Variants in CCDC136 observed in about 807,000 individuals in gnomAD.
CCDC136 encodes coiled-coil domain containing 136, also known as coiled-coil domain-containing protein 136.
Under a neutral mutation model 141.2 loss-of-function variants are expected in CCDC136, and 100 were observed. The observed-to-expected ratio is 0.71, with a 90% confidence interval of 0.60 to 0.84. The LOEUF (loss-of-function observed/expected upper bound fraction) is 0.84, where lower values mean the gene tolerates loss of function less well. Ranked by LOEUF, CCDC136 falls within the 40% of genes least tolerant of loss-of-function variation. CCDC136 has a pLI of 0.00. For synonymous variants in CCDC136, 474 were observed against 531.9 expected (o/e 0.89, Z 1.50); for missense variants, 1,206 against 1,379.4 (o/e 0.87, Z 1.99).
intron 3 of CCDC136, among the ~76,000 whole-genome samples, chr7:128,799,543 G>T (rs150678898): frequency 6.6e-6 from 1 of 151,280 alleles, no homozygotes; most frequent in Admixed American, 6.6e-5. Flanking sequence ...TCTCTGCCTC[G>T]ATAAAGCTTA....
At chr7:128,820,691 C>T (rs56377531) in intron 17 of CCDC136, among the ~76,000 whole-genome samples, 22,754 of 152,190 alleles carry the variant, frequency 0.15, 1,912 homozygotes, top group East Asian at 0.22. Flanking sequence ...TTTGAACTCC[C>T]GGTCTCAAGC....
intron 3 of CCDC136, among the ~76,000 whole-genome samples, chr7:128,796,739 A>ATTTTTTTTTTTTTT (rs1554377202): frequency 8.8e-6 from 1 of 113,376 alleles, no homozygotes; most frequent in Non-Finnish European, 1.7e-5. Flanking sequence ...ATATATATAT[A>ATTTTTTTTTTTTTT]TTCTTTTTTT....
Position 128,812,239 on chromosome 7 carries a change from GCT to G in CCDC136, c.2471_2472del (p.Ser824Ter), listed in dbSNP as rs748405148. 3 of 1,613,890 alleles carry G rather than the reference GCT, an allele frequency of 1.9e-6. No individual in the cohort carries two copies. Among genetic ancestry groups the G allele is most frequent in the African/African-American group, 1.3e-5 (1 of 75,044 alleles). ...AAGAAGAGTTACGGCAGCACCAGTA[GCT>G]CTGACACCTGCCAGAAGAGTTTTGT... On this transcript the variant is annotated frameshift_variant, in exon 13 of 18. Transcript: ENST00000297788. LOFTEE classifies it high-confidence loss of function.
chr7:128,809,133 G>A lies in CCDC136; in HGVS notation c.1606-317G>A, dbSNP rs1025880625. 3.1e-5 allele frequency: 10 copies of A among 326,908 alleles called. No individual in the cohort carries two copies. The East Asian group carries it at 4.8e-4, about 16-fold the overall frequency. 20.3% of individuals were successfully genotyped at this position (326,908 alleles called of 1,614,324 possible). A position where few individuals can be genotyped will look rare whatever the true frequency, so the allele number is the denominator to read the frequency against. The stretch of plus-strand genomic sequence containing the variant: ...AATATGGTGTATAAAGGAAAGGGCC[G>A]GAGAAGAGGAAGGGGGAAATGAGAA... On this transcript the variant is annotated intron_variant, in intron 10 of 17. Transcript: ENST00000297788.
intron 3 of CCDC136, among the ~76,000 whole-genome samples, chr7:128,797,525 C>A (rs1442380476): frequency 6.6e-6 from 1 of 152,164 alleles, no homozygotes; most frequent in Non-Finnish European, 1.5e-5. Context: ...TAAGCCAGAG[C>A]AGAAAGTGCT....
chr7:128,805,226 C>A lies in CCDC136; in HGVS notation c.783-133C>A. Reference sequence around the variant, plus strand: ...TCTGTAGTCTTTTAAGCATGTTTATCTGAGCGGTGAGTCACAATAGAAGGC... The same window carrying A: ...TCTGTAGTCTTTTAAGCATGTTTATATGAGCGGTGAGTCACAATAGAAGGC... On this transcript the variant is annotated intron_variant, in intron 5 of 17. Transcript: ENST00000297788. The surrounding 1 kb of genome is among the most constrained non-coding windows in gnomAD (Gnocchi z 4.6). The A allele has an allele frequency of 1.4e-6, 1 of 721,244 alleles. No individual in the cohort carries two copies. The highest frequency in any genetic ancestry group is 2.4e-6 in the Non-Finnish European group (1 of 423,510). 44.7% of individuals were successfully genotyped at this position (721,244 alleles called of 1,614,324 possible).
At chr7:128,807,237 C>T in intron 9 of CCDC136, 123 bp from the exon 10 acceptor site, 1 of 625,046 alleles carries the variant, frequency 1.6e-6, no homozygotes, top group Non-Finnish European at 2.4e-6. Flanking sequence ...CTATCCCTGG[C>T]TGGGATGAAA....
Position 128,794,388 on chromosome 7 carries a change from A to C in CCDC136, c.57A>C (p.Glu19Asp), listed in dbSNP as rs1802636834. The change falls in exon 2 of 18, where the codon GAA becomes GAC. Residue 19 changes from glutamate to aspartate, a missense_variant. Physicochemically the swap from Glu to Asp is conservative, Grantham distance 45 (BLOSUM62 2). Coordinates refer to ENST00000297788, the MANE Select transcript of CCDC136 (RefSeq NM_022742.5). The surrounding 1 kb of genome is among the most constrained non-coding windows in gnomAD (Gnocchi z 4.3). ...LLPALYEEEE[E>D]EEEEEEEVEE... ...CAGCTCTCTATGAGGAGGAAGAGGA[A>C]GAGGAAGAGGAGGAAGAAGAGGTGG... 1 of 1,554,630 alleles carries C rather than the reference A, an allele frequency of 6.4e-7. No homozygotes were observed. Among genetic ancestry groups the C allele is most frequent in the African/African-American group, 1.4e-5 (1 of 73,076 alleles).
Position 128,814,708 on chromosome 7 carries a change from G to A in CCDC136, c.2834G>A (p.Arg945Gln), listed in dbSNP as rs61730244. 0.022 allele frequency: 35,363 copies of A among 1,613,410 alleles called. 516 individuals carry two copies. Among genetic ancestry groups the A allele is most frequent in the Non-Finnish European group, 0.026 (30,305 of 1,179,580 alleles). The change falls in exon 15 of 18, where the codon CGG becomes CAG. Residue 945 changes from arginine (R) to glutamine (Q), a missense_variant. Physicochemically the swap from Arg to Gln is conservative, Grantham distance 43. Coordinates refer to ENST00000297788, the MANE Select transcript of CCDC136 (RefSeq NM_022742.5). ...QYQASMDEQGRLLVVQEQLEG... is the reference protein window; with the variant it reads ...QYQASMDEQGQLLVVQEQLEG... ...CAGGCTAGCATGGATGAGCAGGGGC[G>A]GCTTCTGGTAGTGCAGGAGCAGCTG...
At chr7:128,812,984 G>C (rs762187358) in intron 14 of CCDC136, 55 bp downstream of exon 14, 99 of 1,218,660 alleles carry the variant, frequency 8.1e-5, no homozygotes, top group Admixed American at 1.2e-4. Context: ...AGCCATAGAG[G>C]TCATGGCCAC....
rs749806887 is a variant in CCDC136, at chr7:128,806,618, A to G, written c.1249-70A>G. 3.6e-5 allele frequency: 52 copies of G among 1,431,238 alleles called. No homozygotes were observed. The Middle Eastern group carries it at 7.5e-4, about 21-fold the overall frequency. 88.7% of individuals were successfully genotyped at this position (1,431,238 alleles called of 1,614,324 possible). Reference sequence around the variant, plus strand: ...AAATCTTAGACTGTTGGTGTCTTCAAGTGACTCACACAGAAGAGTGAGTGG... The same window carrying G: ...AAATCTTAGACTGTTGGTGTCTTCAGGTGACTCACACAGAAGAGTGAGTGG... On this transcript the variant is annotated intron_variant, in intron 8 of 17. Transcript: ENST00000297788.
At chr7:128,809,749 A>G in intron 11 of CCDC136, 105 bp downstream of exon 11, 1 of 827,120 alleles carries the variant, frequency 1.2e-6, no homozygotes, top group Non-Finnish European at 1.9e-6. Flanking sequence ...TTTTTCTCTT[A>G]CCAACCACTC....
At position 128,817,849 on chromosome 7, in the gene CCDC136, C is replaced by G; in HGVS notation, c.3455C>G (p.Thr1152Arg). The G allele has an allele frequency of 6.2e-7, 1 of 1,613,508 alleles. No homozygotes were observed. Among genetic ancestry groups the G allele is most frequent in the Non-Finnish European group, 8.5e-7 (1 of 1,179,486 alleles). The change falls in exon 17 of 18, where the codon ACG becomes AGG. Residue 1152 changes from threonine to arginine, a missense_variant. Transcript: ENST00000297788. The surrounding 1 kb of genome is among the most constrained non-coding windows in gnomAD (Gnocchi z 4.6). ...SALLWCWWAE[T>R]SS ...TTGCTCTGGTGCTGGTGGGCTGAGA[C>G]GTCGTCCTAATGCAGGTACTGGTAT...
intron 17 of CCDC136, among the ~76,000 whole-genome samples, chr7:128,820,981 A>T (rs1480974968): frequency 6.6e-6 from 1 of 152,220 alleles, no homozygotes; most frequent in Non-Finnish European, 1.5e-5. Flanking sequence ...ATGACTCAAA[A>T]TCCAAATTCT....
intron 17 of CCDC136, chr7:128,818,094 G>T (rs1806923011): frequency 4.1e-6 from 2 of 487,102 alleles, no homozygotes; most frequent in East Asian, 3.9e-5. Context: ...GCTTGCCAGA[G>T]ACATGGTTTG....
At chr7:128,812,612 G>A in intron 13 of CCDC136, 96 bp from the exon 14 acceptor site, 1 of 937,632 alleles carries the variant, frequency 1.1e-6, no homozygotes, top group South Asian at 1.5e-5. Context: ...CTGGATCCTG[G>A]TGGCCATTGT....
intron 8 of CCDC136, 31 bp from the exon 9 acceptor site, chr7:128,806,657 A>C: frequency 1.3e-6 from 2 of 1,593,052 alleles, no homozygotes; most frequent in Non-Finnish European, 1.7e-6. Flanking sequence ...AAGGAGCCCA[A>C]AGGCACTGCC....
chr7:128,818,258 T>C (rs1321528468), intron 17 of CCDC136: 2 of 179,766 alleles, frequency 1.1e-5, no homozygotes, highest in African/African-American at 2.4e-5. Flanking sequence ...GCCTGGACTC[T>C]CTTTGTCTTG....
rs1804892931 is a variant in CCDC136 at position 128,806,682 on chromosome 7, C to T, written c.1249-6C>T. The T allele has an allele frequency of 1.2e-6, 2 of 1,608,434 alleles. No homozygotes were observed. Among genetic ancestry groups the T allele is most frequent in the South Asian group, 1.1e-5 (1 of 90,086 alleles). On this transcript the variant is annotated splice_polypyrimidine_tract_variant and splice_region_variant and intron_variant, in intron 8 of 17. Coordinates refer to ENST00000297788, the MANE Select transcript of CCDC136 (RefSeq NM_022742.5). ...AAGGCACTGCCCAAAGCCCCCTCTA[C>T]CATAGGAGTTACTGTGCCGGCTGCA... is the stretch of plus-strand genomic sequence containing the variant.
Sources: allele counts gnomAD v4.1 joint callset (sites outside exome capture counted in the v4.1 genomes callset), GRCh38; gene constraint gnomAD v4.1.1; non-coding constraint Gnocchi (gnomAD v3.1); transcripts MANE v1.5; gene names NCBI Gene and HGNC (gene_info 2026-07-23, HGNC 2026-07-21).